The following DUOX2 variants were observed in gnomAD, a reference collection of about 807,000 sequenced individuals.
The protein encoded by DUOX2 is NADH/NADPH thyroid oxidase p138-tox.
Under a neutral mutation model 183.3 loss-of-function variants are expected in DUOX2, and 185 were observed. The ratio of observed to expected loss-of-function variants is 1.01; its 90% CI spans 0.90 to 1.14. The LOEUF is 1.14. Ranked by LOEUF, DUOX2 falls within the 50% of genes most tolerant of loss-of-function variation. The pLI is 0.00. For synonymous variants in DUOX2, 788 were observed against 812.4 expected, an observed-to-expected ratio of 0.97 and a Z score of 0.51; for missense variants, 1,999 against 2,022.9, an observed-to-expected ratio of 0.99 and a Z score of 0.23.
intron 7 of DUOX2, 43 bp from the exon 8 acceptor site, chr15:45,110,753 T>A: frequency 1.2e-6 from 2 of 1,610,756 alleles, no homozygotes; most frequent in Non-Finnish European, 1.7e-6. Context: ...AGTTGGATGG[T>A]GTGGGGCCTG....
intron 23 of DUOX2, 74 bp from the exon 24 acceptor site, chr15:45,100,302 G>A: frequency 6.9e-7 from 1 of 1,453,000 alleles, no homozygotes; most frequent in Middle Eastern, 2.1e-4. Flanking sequence ...TCCATGAAAG[G>A]TGACCTGGGG....
At position 45,094,696 on chromosome 15, in the gene DUOX2, G is replaced by T. The variant is rs960545052; in HGVS notation, c.4396-5C>A. 1 of 1,613,962 alleles carries T rather than the reference G, an allele frequency of 6.2e-7. No individual in the cohort carries two copies. Among genetic ancestry groups the T allele is most frequent in the Middle Eastern group, 1.6e-4 (1 of 6,062 alleles). ...GAAGTGCCGCTCGCAGATGTACTGG[G>T]GGCACAGGGGCAGGTCAGACCAAAG... On this transcript the variant is annotated splice_polypyrimidine_tract_variant and splice_region_variant and intron_variant, in intron 32 of 33. Coordinates refer to ENST00000389039, the MANE Select transcript of DUOX2 (RefSeq NM_001363711.2).
chr15:45,094,536 C>T, intron 33 of DUOX2, 27 bp downstream of exon 33: 1 of 1,603,322 alleles, frequency 6.2e-7, no homozygotes, highest in Middle Eastern at 1.7e-4. Flanking sequence ...AGGCCAGAGT[C>T]CCAGGGTGGG....
At chr15:45,107,505 T>G (rs773509981) in intron 13 of DUOX2, 42 bp from the exon 14 acceptor site, 2 of 1,605,020 alleles carry the variant, frequency 1.2e-6, no homozygotes, top group Non-Finnish European at 1.7e-6. Context: ...GGGAAGGGGA[T>G]GCAGGCCTCC....
Position 45,095,961 on chromosome 15 carries a change from T to A in DUOX2, c.3947A>T (p.His1316Leu), listed in dbSNP as rs751910050. 2.9e-5 allele frequency: 47 copies of A among 1,613,570 alleles called. No individual in the cohort carries two copies. Among genetic ancestry groups the A allele is most frequent in the Non-Finnish European group, 4.0e-5 (47 of 1,179,916 alleles). Residue 1316 changes from histidine (H) to leucine (L), a missense_variant, in exon 30 of 34, where the codon CAC becomes CTC. Physicochemically the swap from His to Leu is moderately conservative, Grantham distance 99. This residue lies in a region of DUOX2 where 1,628 missense variants were observed against 1,608.6 expected (regional missense o/e 1.01). Transcript: ENST00000389039. ...ACLALGTTEYHPFTLTSAPHE... is the reference protein window; with the variant it reads ...ACLALGTTEYLPFTLTSAPHE... Reference sequence around the variant, plus strand: ...GGGCGCGGAGGTCAGTGTGAAGGGGTGGTACTCGGTGGTCCCCAGAGCCAG... The same window carrying A: ...GGGCGCGGAGGTCAGTGTGAAGGGGAGGTACTCGGTGGTCCCCAGAGCCAG...
Position 45,100,766 on chromosome 15 carries a change from C to A in DUOX2, c.2994G>T (p.Arg998Ser). Residue 998 changes from arginine to serine, a missense_variant, in exon 23 of 34, where the codon AGG becomes AGT. Transcript: ENST00000389039. The stretch of plus-strand genomic sequence containing the variant: ...TGGGAGACACTCACTTTTTGCCAAA[C>A]CTCTTCTTCAGTCCAGGGCCTCCCA... ...PELGGPGLKK[R>S]FGKKAAVPTP... 6.2e-7 allele frequency: 1 copy of A among 1,614,078 alleles called. No individual in the cohort carries two copies. Among genetic ancestry groups the A allele is most frequent in the Non-Finnish European group, 8.5e-7 (1 of 1,179,970 alleles).
intron 32 of DUOX2, 118 bp downstream of exon 32, chr15:45,094,818 A>T: frequency 6.3e-7 from 1 of 1,593,732 alleles, no homozygotes; most frequent in Non-Finnish European, 8.6e-7. Flanking sequence ...TCAGGCCATC[A>T]GCTCTGTGCC....
In DUOX2 at chr15:45,100,319, C is replaced by A. The variant is rs77512689; in HGVS notation, c.3006-91G>T. On this transcript the variant is annotated intron_variant, in intron 23 of 33. Coordinates refer to ENST00000389039, the MANE Select transcript of DUOX2 (RefSeq NM_001363711.2). ...CATGAAAGGTGACCTGGGGATCTGGCAGGCATCAGGATGGGCCACAACAGA... is the reference window on the plus strand; with the variant it reads ...CATGAAAGGTGACCTGGGGATCTGGAAGGCATCAGGATGGGCCACAACAGA... The A allele has an allele frequency of 7.1e-3, 9,411 of 1,320,184 alleles. 583 individuals carry two copies. The African/African-American group carries it at 0.12, about 17-fold the overall frequency. 81.8% of individuals were successfully genotyped at this position (1,320,184 alleles called of 1,614,324 possible).
chr15:45,108,236 G>T lies in DUOX2; in HGVS notation c.1399-14C>A. The T allele has an allele frequency of 6.2e-7, 1 of 1,613,912 alleles. No homozygotes were observed. The highest frequency in any genetic ancestry group is 8.5e-7 in the Non-Finnish European group (1 of 1,179,982). ...GGCCTCCAGCACCTGGGGCACCACA[G>T]GAGATAAGGGGTGAGCGTATGTTTG... On this transcript the variant is annotated splice_polypyrimidine_tract_variant and intron_variant, in intron 12 of 33. Coordinates refer to ENST00000389039, the MANE Select transcript of DUOX2 (RefSeq NM_001363711.2).
chr15:45,113,809 T>C (rs1894523001), intron 1 of DUOX2, among the ~76,000 whole-genome samples, 164 bp downstream of exon 1: 1 of 152,050 alleles, frequency 6.6e-6, no homozygotes, highest in Non-Finnish European at 1.5e-5. Flanking sequence ...GCTCCGCTTC[T>C]CCTCCAGGAG....
chr15:45,098,706 CTT>C (rs71893815), intron 26 of DUOX2, among the ~76,000 whole-genome samples: 3 of 145,174 alleles, frequency 2.1e-5, no homozygotes, highest in Non-Finnish European at 1.5e-5. Context: ...TATTTCTTTC[CTT>C]TTTTTTTTTT....
At position 45,101,265 on chromosome 15, in the gene DUOX2, T is replaced by A; in HGVS notation, c.2861A>T (p.Asp954Val). 6.2e-7 allele frequency: 1 copy of A among 1,613,296 alleles called. No individual in the cohort carries two copies. Among genetic ancestry groups the A allele is most frequent in the Non-Finnish European group, 8.5e-7 (1 of 1,179,698 alleles). ...GGGGGGNGIR[D>V]IFKQNISCRV... ...ACAGCTGATGTTTTGTTTAAAGATA[T>A]CTCTAATACCTAGAGAAAAGAACAA... Residue 954 changes from aspartate (D) to valine (V), a missense_variant, in exon 22 of 34, where the codon GAT (aspartate) becomes GTT (valine). Physicochemically the swap from Asp to Val is radical, Grantham distance 152 (BLOSUM62 -3). Coordinates refer to ENST00000389039, the MANE Select transcript of DUOX2 (RefSeq NM_001363711.2).
In DUOX2 at chr15:45,094,587, G is replaced by T. The variant is rs1436297817; in HGVS notation, c.4500C>A (p.Asn1500Lys). Residue 1500 changes from asparagine to lysine, a missense_variant, in exon 33 of 34, where the codon AAC becomes AAA. Asn to Lys is a moderately conservative substitution (Grantham distance 94, BLOSUM62 0). This residue lies in a region of DUOX2 where 1,628 missense variants were observed against 1,608.6 expected (regional missense o/e 1.01). Transcript: ENST00000389039. ...FGRPPFEPFF[N>K]SLQEVHPQVR... Reference sequence around the variant, plus strand: ...CCTGTGGGTGGACCTCCTGCAGGGAGTTGAAGAAGGGCTCGAAGGGGGGAC... The same window carrying T: ...CCTGTGGGTGGACCTCCTGCAGGGATTTGAAGAAGGGCTCGAAGGGGGGAC... 1.2e-6 allele frequency: 2 copies of T among 1,613,988 alleles called. No individual in the cohort carries two copies. Among genetic ancestry groups the T allele is most frequent in the African/African-American group, 1.3e-5 (1 of 75,038 alleles).
At chr15:45,102,965 G>C (rs1894120085) in intron 20 of DUOX2, among the ~76,000 whole-genome samples, 1 of 152,198 alleles carries the variant, frequency 6.6e-6, no homozygotes, top group Non-Finnish European at 1.5e-5. Flanking sequence ...CTGGGTGACA[G>C]AGTGACTCCG....
At chr15:45,108,253 G>T in intron 12 of DUOX2, 31 bp from the exon 13 acceptor site, 1 of 1,612,752 alleles carries the variant, frequency 6.2e-7, no homozygotes, top group East Asian at 2.2e-5. Context: ...AGGGGTGAGC[G>T]TATGTTTGCT....
At chr15:45,098,307 C>T (rs1893962719) in intron 26 of DUOX2, among the ~76,000 whole-genome samples, 1 of 152,182 alleles carries the variant, frequency 6.6e-6, no homozygotes, top group South Asian at 2.1e-4. Flanking sequence ...TTCCTTGAGT[C>T]CCTGGTTCAT....
At chr15:45,103,659 A>C (rs907374152) in intron 20 of DUOX2, among the ~76,000 whole-genome samples, 1 of 152,136 alleles carries the variant, frequency 6.6e-6, no homozygotes, top group African/African-American at 2.4e-5. Context: ...AAGGGCATCC[A>C]AAAGGGATTA....
Position 45,097,284 on chromosome 15 carries a change from C to G in DUOX2, c.3801G>C (p.Arg1267=). The G allele has an allele frequency of 1.2e-6, 2 of 1,614,268 alleles. No individual in the cohort carries two copies. Among genetic ancestry groups the G allele is most frequent in the Non-Finnish European group, 8.5e-7 (1 of 1,180,050 alleles). ...TCACCACGCTGATCTCCACCTTCTTCCGGCTCAGGCTCACCAGCTTGTCAC... is the reference window on the plus strand; with the variant it reads ...TCACCACGCTGATCTCCACCTTCTTGCGGCTCAGGCTCACCAGCTTGTCAC... The part of the protein sequence containing the change: ...YGGDKLVSLS[R]KKVEISVVKA... Residue 1267 remains arginine (R), a synonymous_variant, in exon 29 of 34, where the codon CGG becomes CGC. Transcript: ENST00000389039.
Position 45,095,814 on chromosome 15 carries a change from C to T in DUOX2, c.4080+14G>A, listed in dbSNP as rs1893884761. ...TGCCAGAGGCCCGGAAGCAGGGTTC[C>T]CAGTGACGGGCACCTTTGGGTATCC... On this transcript the variant is annotated intron_variant, in intron 30 of 33. Transcript: ENST00000389039. 2 of 1,611,160 alleles carry T rather than the reference C, an allele frequency of 1.2e-6. No individual in the cohort carries two copies. Among genetic ancestry groups the T allele is most frequent in the African/African-American group, 1.3e-5 (1 of 74,978 alleles).
Sources: allele counts gnomAD v4.1 joint callset (sites outside exome capture counted in the v4.1 genomes callset), GRCh38; gene constraint gnomAD v4.1.1; regional missense constraint gnomAD v4.1.1; transcripts MANE v1.5; gene names NCBI Gene and HGNC (gene_info 2026-07-23, HGNC 2026-07-21).